Variants in FLACC1 observed in about 807,000 individuals in gnomAD.
FLACC1 encodes flagellum-associated coiled-coil domain-containing protein 1.
In FLACC1, 66 loss-of-function variants were observed where a neutral mutation model predicts 62.8. That is an observed-to-expected ratio of 1.05 (90% CI 0.86 to 1.29). The LOEUF (loss-of-function observed/expected upper bound fraction) is 1.29. Among genes scored for constraint, FLACC1 ranks in the 50% most tolerant of loss-of-function variants. The pLI is 0.00. For synonymous variants in FLACC1, 156 were observed against 161.0 expected, an observed-to-expected ratio of 0.97 and a Z score of 0.24; for missense variants, 452 against 489.1, an observed-to-expected ratio of 0.92 and a Z score of 0.71.
Position 201,330,848 on chromosome 2 carries a change from G to T in FLACC1, c.525-15C>A. ...CTTTGAGCTCCCTGTGGGACCCCAG[G>T]AGAAGGCCACAATCATTAGTAAAAA... On this transcript the variant is annotated splice_polypyrimidine_tract_variant and intron_variant, in intron 7 of 14. Transcript: ENST00000392257. 6.2e-7 allele frequency: 1 copy of T among 1,607,662 alleles called. No individual in the cohort carries two copies.
the FLACC1 span, among the ~76,000 whole-genome samples, chr2:201,363,500 T>C: frequency 1.3e-5 from 2 of 151,652 alleles, no homozygotes; most frequent in Non-Finnish European, 2.9e-5. Flanking sequence ...CCCTCCCCAT[T>C]CCAAGACATA....
chr2:201,305,035 T>C (rs1950073511), intron 11 of FLACC1, among the ~76,000 whole-genome samples: 1 of 152,222 alleles, frequency 6.6e-6, no homozygotes, highest in South Asian at 2.1e-4. Context: ...AAGGACTTCA[T>C]GTCTAAAACA....
chr2:201,349,731 T>C (rs1217100255), intron 3 of FLACC1, among the ~76,000 whole-genome samples: 2 of 152,234 alleles, frequency 1.3e-5, no homozygotes, highest in African/African-American at 4.8e-5. Context: ...TAGAAAATCT[T>C]AGACACAGGA....
intron 8 of FLACC1, 21 bp from the exon 9 acceptor site, chr2:201,330,543 A>T: frequency 6.2e-7 from 1 of 1,610,768 alleles, no homozygotes; most frequent in South Asian, 1.1e-5. Flanking sequence ...GGAAAACAAC[A>T]GGATCATCAT....
intron 11 of FLACC1, among the ~76,000 whole-genome samples, chr2:201,305,795 G>A (rs1457209669): frequency 6.6e-6 from 1 of 152,152 alleles, no homozygotes; most frequent in Non-Finnish European, 1.5e-5. Flanking sequence ...GGACATGGAT[G>A]AAGTTGGAAA....
In FLACC1 at chr2:201,346,390, G is replaced by C. The variant is rs956916440; in HGVS notation, c.368+152C>G. 9.7e-7 allele frequency: 1 copy of C among 1,029,522 alleles called. No individual in the cohort carries two copies. The highest frequency in any genetic ancestry group is 1.4e-6 in the Non-Finnish European group (1 of 712,120). The allele number at this position is 1,029,522 out of a possible 1,614,324, so 63.8% of individuals were successfully genotyped here. ...ATGTGGAGAGATGCATCATCAGGAA[G>C]CAGGGGCGAGGAGGGAGGTGCCCTT... On this transcript the variant is annotated intron_variant, in intron 5 of 14. Transcript: ENST00000392257. The surrounding 1 kb of genome is among the most constrained non-coding windows in gnomAD (Gnocchi z 4.0).
At chr2:201,318,833 T>A (rs1950348872) in intron 9 of FLACC1, among the ~76,000 whole-genome samples, 1 of 152,170 alleles carries the variant, frequency 6.6e-6, no homozygotes, top group Non-Finnish European at 1.5e-5. Flanking sequence ...CTAAGTGAAG[T>A]AACTCAGGAA....
chr2:201,290,180 A>G (rs1290061852), intron 12 of FLACC1, among the ~76,000 whole-genome samples: 1 of 152,176 alleles, frequency 6.6e-6, no homozygotes, highest in Non-Finnish European at 1.5e-5. Flanking sequence ...GAGCAGTGAA[A>G]CTATTCTGTA....
At chr2:201,352,739 C>T (rs1951051106) in intron 1 of FLACC1, among the ~76,000 whole-genome samples, 1 of 152,168 alleles carries the variant, frequency 6.6e-6, no homozygotes, top group East Asian at 1.9e-4. Context: ...TGTCCCTTTC[C>T]CTATACCGCA....
At chr2:201,295,182 C>T (rs1470099886) in intron 12 of FLACC1, among the ~76,000 whole-genome samples, 2 of 152,040 alleles carry the variant, frequency 1.3e-5, no homozygotes, top group African/African-American at 4.8e-5. Context: ...CATCTGGAAC[C>T]AAAAAAGAGC....
intron 9 of FLACC1, among the ~76,000 whole-genome samples, chr2:201,321,966 T>A (rs547424341): frequency 1.3e-5 from 2 of 152,004 alleles, no homozygotes; most frequent in East Asian, 1.9e-4. Context: ...ATCAAACTAG[T>A]AAATAAAACA....
In FLACC1 at chr2:201,288,753, T is replaced by G. The variant is rs1032643918; in HGVS notation, c.1171A>C (p.Ile391Leu). The change falls in exon 15 of 15, where the codon ATT becomes CTT. Residue 391 changes from isoleucine to leucine, a missense_variant. Ile to Leu is a conservative substitution (Grantham distance 5). This residue lies in a region of FLACC1 where 301 missense variants were observed against 318.4 expected (regional missense o/e 0.95). Coordinates refer to ENST00000392257, the MANE Select transcript of FLACC1 (RefSeq NM_001127391.3). ...KQKIISKNEE[I>L]CEGCSGRLAS... ...AATCTCCCAGAACATCCTTCACAAA[T>G]TTCTTCATTCTTAGAAATTATCTTT... 1.4e-5 allele frequency: 23 copies of G among 1,613,900 alleles called. No individual in the cohort carries two copies. The highest frequency in any genetic ancestry group is 1.9e-5 in the Non-Finnish European group (23 of 1,179,994).
At chr2:201,323,768 C>T (rs909985289) in intron 9 of FLACC1, among the ~76,000 whole-genome samples, 2 of 67,326 alleles carry the variant, frequency 3.0e-5, no homozygotes, top group Non-Finnish European at 5.3e-5. Context: ...GCCTGGGCAA[C>T]AGAGCCAGAC....
chr2:201,352,874 G>A lies in FLACC1; in HGVS notation c.-47-1423C>T, dbSNP rs1951053791. On this transcript the variant is annotated intron_variant, in intron 1 of 14. Transcript: ENST00000392257. ...CAGTCAGAGAAGATGTGATAATGGA[G>A]GAAGAAGTAGGAGTGATTGAGGAAA... 2.6e-5 allele frequency among the ~76,000 whole-genome samples: 4 copies of A among 152,218 alleles called. No homozygotes were observed. The South Asian group carries it at 8.3e-4, about 32-fold the overall frequency.
At chr2:201,315,410 C>T (rs1206396442) in intron 9 of FLACC1, among the ~76,000 whole-genome samples, 2 of 152,068 alleles carry the variant, frequency 1.3e-5, no homozygotes, top group Non-Finnish European at 2.9e-5. Flanking sequence ...GCTATTCTTA[C>T]ATCAGACAAG....
intron 7 of FLACC1, among the ~76,000 whole-genome samples, chr2:201,335,270 TATTTC>T (rs1950670528): frequency 7.8e-6 from 1 of 128,614 alleles, no homozygotes; most frequent in African/African-American, 2.5e-5. Flanking sequence ...TTCTAGACTC[TATTTC>T]ATTTATTTCT....
intron 12 of FLACC1, among the ~76,000 whole-genome samples, chr2:201,294,762 T>G (rs1272265810): frequency 1.3e-5 from 2 of 152,166 alleles, no homozygotes; most frequent in African/African-American, 4.8e-5. Flanking sequence ...TGATTGTATA[T>G]CTAGAAAACC....
intron 3 of FLACC1, among the ~76,000 whole-genome samples, chr2:201,350,271 G>A (rs1950998423): frequency 6.6e-6 from 1 of 152,116 alleles, no homozygotes; most frequent in Admixed American, 6.6e-5. Context: ...TGTAATCCCA[G>A]CTACTCAGGA....
chr2:201,338,377 T>C (rs144008218), intron 7 of FLACC1, among the ~76,000 whole-genome samples: 1 of 152,212 alleles, frequency 6.6e-6, no homozygotes, highest in Non-Finnish European at 1.5e-5. Context: ...CTTTTCCAAT[T>C]TGGATGCCTT....
Sources: allele counts gnomAD v4.1 joint callset (sites outside exome capture counted in the v4.1 genomes callset), GRCh38; gene constraint gnomAD v4.1.1; regional missense constraint gnomAD v4.1.1; non-coding constraint Gnocchi (gnomAD v3.1); transcripts MANE v1.5; gene names NCBI Gene and HGNC (gene_info 2026-07-23, HGNC 2026-07-21).